CSPG4: variants seen among roughly 807,000 people sequenced by gnomAD.
CSPG4 encodes chondroitin sulfate proteoglycan 4 (melanoma-associated).
Under a neutral mutation model 139.3 loss-of-function variants are expected in CSPG4, and 74 were observed. The ratio of observed to expected loss-of-function variants is 0.53; its 90% CI spans 0.44 to 0.64. The LOEUF (loss-of-function observed/expected upper bound fraction) is 0.64. Ranked by LOEUF, CSPG4 falls within the 30% of genes least tolerant of loss-of-function variation. The probability of loss-of-function intolerance (pLI) is 0.00; values close to 1 mark genes in which losing one functional copy is unlikely to be tolerated. For missense variants in CSPG4, 2,565 were observed against 3,148.3 expected, an observed-to-expected ratio of 0.81 and a Z score of 4.43; for synonymous variants, 1,234 against 1,394.2, an observed-to-expected ratio of 0.89 and a Z score of 2.56.
intron 1 of CSPG4, among the ~76,000 whole-genome samples, chr15:75,711,841 TG>T (rs1894450643): frequency 6.6e-6 from 1 of 152,306 alleles, no homozygotes; most frequent in South Asian, 2.1e-4. Context: ...GCTGTCATGT[TG>T]GGGTTTCTGG....
chr15:75,690,749 C>T lies in CSPG4; in HGVS notation c.316G>A (p.Asp106Asn). ...AGCACCACAGTGTGGGGGATGGAGTCACTCAGCAGCGTCTCTGCTGGAGTC... is the reference window on the plus strand; with the variant it reads ...AGCACCACAGTGTGGGGGATGGAGTTACTCAGCAGCGTCTCTGCTGGAGTC... ...LQTPAETLLS[D>N]SIPHTVVLTV... The change falls in exon 3 of 10, where the codon GAC becomes AAC. Residue 106 changes from aspartate (D) to asparagine (N), a missense_variant. Coordinates refer to ENST00000308508, the MANE Select transcript of CSPG4 (RefSeq NM_001897.5). 1 of 1,613,176 alleles carries T rather than the reference C, an allele frequency of 6.2e-7. No homozygotes were observed. The highest frequency in any genetic ancestry group is 8.5e-7 in the Non-Finnish European group (1 of 1,180,004).
intron 1 of CSPG4, among the ~76,000 whole-genome samples, chr15:75,707,146 AG>A (rs1378831095): frequency 2.0e-5 from 3 of 151,936 alleles, no homozygotes; most frequent in African/African-American, 7.3e-5. Context: ...TAGTAGAGAC[AG>A]GGTTTCACCA....
In CSPG4 at chr15:75,687,400, G is replaced by T. The variant is rs201743959; in HGVS notation, c.3665C>A (p.Thr1222Lys). ...AFSVEAGPVH[T>K]DATLQVTIAL... ...AATGGTCACTTGTAGGGTGGCATCC[G>T]TGTGCACTGGCCCTGCTTCCACGGA... is the stretch of plus-strand genomic sequence containing the variant. Residue 1222 changes from threonine (T) to lysine (K), a missense_variant, in exon 3 of 10, where the codon ACG becomes AAG. Physicochemically the swap from Thr to Lys is moderately conservative, Grantham distance 78. Around this residue, in one of 5 missense-constraint regions of CSPG4, gnomAD observed 2,316 missense variants for 2,818.2 expected, o/e 0.82. Coordinates refer to ENST00000308508, the MANE Select transcript of CSPG4 (RefSeq NM_001897.5). This position sits in a 1 kb window ranked among gnomAD's most constrained non-coding sequence, Gnocchi z 5.4. 1.3e-5 allele frequency: 21 copies of T among 1,612,888 alleles called. No individual in the cohort carries two copies. Among genetic ancestry groups the T allele is most frequent in the Non-Finnish European group, 1.7e-5 (20 of 1,180,026 alleles).
chr15:75,712,035 G>A (rs1894453394), intron 1 of CSPG4, among the ~76,000 whole-genome samples: 1 of 150,560 alleles, frequency 6.6e-6, no homozygotes, highest in Non-Finnish European at 1.5e-5. Flanking sequence ...AGAGTGGGTA[G>A]TGGGTGGGGG....
chr15:75,678,006 T>C, intron 8 of CSPG4, 120 bp from the exon 9 acceptor site: 1 of 829,664 alleles, frequency 1.2e-6, no homozygotes, highest in Non-Finnish European at 1.8e-6. Context: ...GGTCTGTGCG[T>C]GTGACCCGCT....
Position 75,687,367 on chromosome 15 carries a change from T to C in CSPG4, c.3698A>G (p.Glu1233Gly). ...CAGCTTCAGTGGGGCCAGTGGGCCC[T>C]CTAGGGCAATGGTCACTTGTAGGGT... is the stretch of plus-strand genomic sequence containing the variant. ...DATLQVTIAL[E>G]GPLAPLKLVR... The change falls in exon 3 of 10, where the codon GAG becomes GGG. Residue 1233 changes from glutamate (E) to glycine (G), a missense_variant. This residue lies in a region of CSPG4 where 2,316 missense variants were observed against 2,818.2 expected (regional missense o/e 0.82). Coordinates refer to ENST00000308508, the MANE Select transcript of CSPG4 (RefSeq NM_001897.5). This position sits in a 1 kb window ranked among gnomAD's most constrained non-coding sequence, Gnocchi z 5.4. 6.2e-7 allele frequency: 1 copy of C among 1,612,900 alleles called. No individual in the cohort carries two copies. The highest frequency in any genetic ancestry group is 8.5e-7 in the Non-Finnish European group (1 of 1,180,026).
At chr15:75,685,734 G>C in intron 3 of CSPG4, 33 bp from the exon 4 acceptor site, 1 of 1,554,870 alleles carries the variant, frequency 6.4e-7, no homozygotes. Context: ...ACTCACAGGG[G>C]GCCACAGAGG....
At position 75,676,010 on chromosome 15, in the gene CSPG4, G is replaced by A. The variant is rs1596004760; in HGVS notation, c.6509C>T (p.Pro2170Leu). Residue 2170 changes from proline to leucine, a missense_variant, in exon 10 of 10, where the codon CCC (proline) becomes CTC (leucine). Pro to Leu is a moderately conservative substitution (Grantham distance 98, BLOSUM62 -3). This residue lies in a region of CSPG4 where 2,316 missense variants were observed against 2,818.2 expected (regional missense o/e 0.82). Coordinates refer to ENST00000308508, the MANE Select transcript of CSPG4 (RefSeq NM_001897.5). Reference sequence around the variant, plus strand: ...GACACTGAGCAGGGCCACGCTGTAGGGCCGGGCAGCATTGTAAGGCTCAGT... The same window carrying A: ...GACACTGAGCAGGGCCACGCTGTAGAGCCGGGCAGCATTGTAAGGCTCAGT... ...FATEPYNAAR[P>L]YSVALLSVPE... The A allele has an allele frequency of 6.4e-7, 1 of 1,567,138 alleles. No homozygotes were observed. Among genetic ancestry groups the A allele is most frequent in the East Asian group, 2.3e-5 (1 of 44,016 alleles).
chr15:75,682,672 CG>C lies in CSPG4; in HGVS notation c.4717del (p.Arg1573GlufsTer2). ...GAGCACTTGCTTCTGGGCCGTCACT[CG>C]GAAGAAGTGTCCGGGGGAAGTGTGC... is the stretch of plus-strand genomic sequence containing the variant. ...GEHTSPGHFF[R>X]VTAQKQVLLS... is the part of the protein sequence containing the mutation. On this transcript the variant is annotated frameshift_variant, in exon 7 of 10. Transcript: ENST00000308508. LOFTEE classifies it high-confidence loss of function. 30 of 1,613,120 alleles carry C rather than the reference CG, an allele frequency of 1.9e-5. No individual in the cohort carries two copies. The highest frequency in any genetic ancestry group is 2.5e-5 in the Non-Finnish European group (29 of 1,180,020).
At position 75,684,868 on chromosome 15, in the gene CSPG4, T is replaced by C. The variant is rs1235807898; in HGVS notation, c.4317A>G (p.Thr1439=). 6 of 1,613,254 alleles carry C rather than the reference T, an allele frequency of 3.7e-6. No homozygotes were observed. Among genetic ancestry groups the C allele is most frequent in the Non-Finnish European group, 5.1e-6 (6 of 1,179,674 alleles). Residue 1439 remains threonine (T), a synonymous_variant, in exon 5 of 10, where the codon ACA becomes ACG. Transcript: ENST00000308508. The part of the protein sequence containing the change: ...LIRYVHDGSE[T]LTDSFVLMAN... ...CCATCAGGACAAAACTGTCTGTCAG[T>C]GTCTCGCTCCCGTCATGCACGTAGC...
intron 1 of CSPG4, among the ~76,000 whole-genome samples, chr15:75,693,610 C>G (rs1054775883): frequency 2.4e-4 from 36 of 152,234 alleles, no homozygotes; most frequent in African/African-American, 8.4e-4. Flanking sequence ...CCAAAGGGAA[C>G]CGCAACTGGC....
chr15:75,688,994 T>G lies in CSPG4; in HGVS notation c.2071A>C (p.Asn691His). 10 of 1,612,358 alleles carry G rather than the reference T, an allele frequency of 6.2e-6. No individual in the cohort carries two copies. The highest frequency in any genetic ancestry group is 8.5e-6 in the Non-Finnish European group (10 of 1,179,984). Residue 691 changes from asparagine (N) to histidine (H), a missense_variant, in exon 3 of 10, where the codon AAT becomes CAT. By Grantham distance (68) the Asn-to-His change is moderately conservative (BLOSUM62 1). Transcript: ENST00000308508. Reference protein sequence around the residue: ...ILPANLSVETNAVGQDVSVLF... With the variant: ...ILPANLSVETHAVGQDVSVLF... ...ACGCTCACATCCTGCCCCACGGCAT[T>G]GGTCTCCACCGACAGGTTGGCGGGC...
In CSPG4 at chr15:75,682,754, G is replaced by A. The variant is rs1434354326; in HGVS notation, c.4649-13C>T. The stretch of plus-strand genomic sequence containing the variant: ...CCATCCAGGGTTCCTGGGGACAGGG[G>A]CATTGGGTCCAGCTGGCCCGAGCCG... On this transcript the variant is annotated splice_polypyrimidine_tract_variant and intron_variant, in intron 6 of 9. Transcript: ENST00000308508. 1.2e-6 allele frequency: 2 copies of A among 1,611,998 alleles called. No individual in the cohort carries two copies. The highest frequency in any genetic ancestry group is 1.7e-5 in the Admixed American group (1 of 60,010).
In CSPG4 at chr15:75,676,342, G is replaced by A. The variant is rs1893891248; in HGVS notation, c.6177C>T (p.Ala2059=). Residue 2059 remains alanine (A), a synonymous_variant, in exon 10 of 10, where the codon GCC becomes GCT. Transcript: ENST00000308508. ...VWAGGPWPQG[A]TLRLDPTVLD... ...GGACGGTGGGGTCCAGGCGCAGGGT[G>A]GCACCCTGGGGCCATGGCCCACCTG... 7 of 1,612,774 alleles carry A rather than the reference G, an allele frequency of 4.3e-6. No homozygotes were observed. Among genetic ancestry groups the A allele is most frequent in the Non-Finnish European group, 5.9e-6 (7 of 1,179,936 alleles).
In CSPG4 at chr15:75,684,931, C is replaced by A. The variant is rs1288835134; in HGVS notation, c.4273-19G>T. On this transcript the variant is annotated intron_variant, in intron 4 of 9. Coordinates refer to ENST00000308508, the MANE Select transcript of CSPG4 (RefSeq NM_001897.5). ...CTTCCACCTAGGGGCAGGCCCAGGG[C>A]TGGCAGTCAGGCCCCAGCAGCACCC... The A allele has an allele frequency of 2.5e-6, 4 of 1,599,492 alleles. No individual in the cohort carries two copies. Among genetic ancestry groups the A allele is most frequent in the African/African-American group, 1.3e-5 (1 of 74,724 alleles).
At chr15:75,691,814 T>C (rs1894168266) in intron 2 of CSPG4, among the ~76,000 whole-genome samples, 1 of 152,078 alleles carries the variant, frequency 6.6e-6, no homozygotes, top group Non-Finnish European at 1.5e-5. Flanking sequence ...AACTATAATT[T>C]TGGAGTCCTG....
chr15:75,689,987 C>A lies in CSPG4; in HGVS notation c.1078G>T (p.Val360Phe). The A allele has an allele frequency of 3.7e-6, 6 of 1,612,118 alleles. No homozygotes were observed. Among genetic ancestry groups the A allele is most frequent in the Non-Finnish European group, 5.1e-6 (6 of 1,179,626 alleles). The change falls in exon 3 of 10, where the codon GTC (valine) becomes TTC (phenylalanine). Residue 360 changes from valine (V) to phenylalanine (F), a missense_variant. Physicochemically the swap from Val to Phe is conservative, Grantham distance 50. Coordinates refer to ENST00000308508, the MANE Select transcript of CSPG4 (RefSeq NM_001897.5). ...SLLGCMEDLS[V>F]NGQRRGLREA... ...CGCAGCCCCCGCCTCTGGCCATTGACACTGAGGTCTTCCATGCAGCCCAGC... is the reference window on the plus strand; with the variant it reads ...CGCAGCCCCCGCCTCTGGCCATTGAAACTGAGGTCTTCCATGCAGCCCAGC...
chr15:75,712,497 G>A (rs1894459350), intron 1 of CSPG4, among the ~76,000 whole-genome samples, 171 bp downstream of exon 1: 1 of 152,154 alleles, frequency 6.6e-6, no homozygotes, highest in African/African-American at 2.4e-5. Context: ...GCGGGGTCCC[G>A]TGTCCGCCCC....
chr15:75,676,037 G>A lies in CSPG4; in HGVS notation c.6482C>T (p.Ala2161Val), dbSNP rs1370009773. The A allele has an allele frequency of 1.3e-6, 2 of 1,549,354 alleles. No homozygotes were observed. Among genetic ancestry groups the A allele is most frequent in the Non-Finnish European group, 8.7e-7 (1 of 1,152,170 alleles). Residue 2161 changes from alanine to valine, a missense_variant, in exon 10 of 10, where the codon GCC (alanine) becomes GTC (valine). Ala to Val is a moderately conservative substitution (Grantham distance 64). Around this residue, in one of 5 missense-constraint regions of CSPG4, gnomAD observed 2,316 missense variants for 2,818.2 expected, o/e 0.82. Coordinates refer to ENST00000308508, the MANE Select transcript of CSPG4 (RefSeq NM_001897.5). ...CCGGGCAGCATTGTAAGGCTCAGTG[G>A]CAAAGTCCAGGGAGGCCACAGCAGG... ...VPPAVASLDF[A>V]TEPYNAARPY...
Sources: allele counts gnomAD v4.1 joint callset (sites outside exome capture counted in the v4.1 genomes callset), GRCh38; gene constraint gnomAD v4.1.1; regional missense constraint gnomAD v4.1.1; non-coding constraint Gnocchi (gnomAD v3.1); transcripts MANE v1.5; gene names NCBI Gene and HGNC (gene_info 2026-07-23, HGNC 2026-07-21).